The following RFTN1 variants were observed in gnomAD, a reference collection of about 807,000 sequenced individuals.
The protein encoded by RFTN1 is raftlin, lipid raft linker 1.
In RFTN1, 26 loss-of-function variants were observed where a neutral mutation model predicts 46.5. The observed-to-expected ratio is 0.56, with a 90% confidence interval of 0.41 to 0.78. RFTN1 has a LOEUF of 0.78. RFTN1 is among the 30% of genes least tolerant of loss of function. The probability of loss-of-function intolerance (pLI) is 0.00; values close to 1 mark genes in which losing one functional copy is unlikely to be tolerated. For missense variants in RFTN1, 693 were observed against 718.7 expected (o/e 0.96, Z 0.41); for synonymous variants, 261 against 284.2 (o/e 0.92, Z 0.82).
chr3:16,481,359 T>TATCTACTTTGAG lies in RFTN1; in HGVS notation c.145+12354_145+12365dup. 6.6e-6 allele frequency among the ~76,000 whole-genome samples: 1 copy of TATCTACTTTGAG among 152,344 alleles called. No homozygotes were observed. The highest frequency in any genetic ancestry group is 1.9e-4 in the East Asian group (1 of 5,186). ...TCTCTTCAAACTGTAAGAGCATATT[T>TATCTACTTTGAG]ATCTACTTTGAGACATGTTTTATGG... On this transcript the variant is annotated intron_variant, in intron 2 of 9. Transcript: ENST00000334133. This position sits in a 1 kb window ranked among gnomAD's most constrained non-coding sequence, Gnocchi z 5.1.
intron 1 of RFTN1, among the ~76,000 whole-genome samples, chr3:16,496,308 G>A (rs772086408): frequency 6.6e-6 from 1 of 152,230 alleles, no homozygotes; most frequent in African/African-American, 2.4e-5. Context: ...GCCAGTGTGT[G>A]TTGGCTCCTG....
chr3:16,477,907 T>C (rs1056489560), intron 2 of RFTN1, among the ~76,000 whole-genome samples: 1 of 152,216 alleles, frequency 6.6e-6, no homozygotes, highest in African/African-American at 2.4e-5. Context: ...AGTGATGAGC[T>C]CTGCTCAACA....
chr3:16,332,980 C>A (rs534506485), intron 7 of RFTN1, among the ~76,000 whole-genome samples: 16 of 152,116 alleles, frequency 1.1e-4, no homozygotes, highest in African/African-American at 3.1e-4. Context: ...AGCATCTGGT[C>A]GCAACAGTTT....
At chr3:16,331,923 A>G (rs1203692164) in intron 7 of RFTN1, among the ~76,000 whole-genome samples, 1 of 152,236 alleles carries the variant, frequency 6.6e-6, no homozygotes, top group African/African-American at 2.4e-5. Context: ...TTATCCGTCA[A>G]AATTTTGAAA....
chr3:16,396,966 G>A (rs2074482617), intron 4 of RFTN1, among the ~76,000 whole-genome samples: 3 of 151,182 alleles, frequency 2.0e-5, no homozygotes, highest in Non-Finnish European at 4.4e-5. Context: ...GGGAGGCTGA[G>A]GCAGGAGAAT....
chr3:16,493,692 C>T (rs753941727), intron 2 of RFTN1, 33 bp downstream of exon 2: 5 of 1,595,544 alleles, frequency 3.1e-6, no homozygotes, highest in Non-Finnish European at 4.3e-6. Context: ...GAGACCCCAC[C>T]TGCCCCCATC....
chr3:16,434,655 C>A (rs1293131659), intron 2 of RFTN1: 2 of 151,038 alleles, frequency 1.3e-5, no homozygotes, highest in Non-Finnish European at 1.5e-5. Flanking sequence ...TAAAAAAAAA[C>A]ACACAGAAAT....
intron 6 of RFTN1, among the ~76,000 whole-genome samples, chr3:16,365,449 T>C (rs2073100255): frequency 1.4e-5 from 2 of 142,548 alleles, no homozygotes; most frequent in African/African-American, 2.6e-5. Flanking sequence ...ACATATTTAA[T>C]ATATATTTTA....
rs955154831 is a variant in RFTN1, at chr3:16,327,854, C to T, written c.1147-978G>A. ...GCCCCTGCACTGGCTTCCACCTCTGCAGGCGTTCTCACTGCAACAGGCCTC... is the reference window on the plus strand; with the variant it reads ...GCCCCTGCACTGGCTTCCACCTCTGTAGGCGTTCTCACTGCAACAGGCCTC... On this transcript the variant is annotated intron_variant, in intron 7 of 9. Coordinates refer to ENST00000334133, the MANE Select transcript of RFTN1 (RefSeq NM_015150.2). The surrounding 1 kb of genome is among the most constrained non-coding windows in gnomAD (Gnocchi z 4.2). 6.6e-6 allele frequency among the ~76,000 whole-genome samples: 1 copy of T among 152,200 alleles called. No individual in the cohort carries two copies. The highest frequency in any genetic ancestry group is 1.5e-5 in the Non-Finnish European group (1 of 68,030).
rs2075729921 is a variant in RFTN1, at chr3:16,446,401, T to C, written c.146-12364A>G. Among the ~76,000 whole-genome samples, 1 of 152,040 alleles carries C rather than the reference T, an allele frequency of 6.6e-6. No homozygotes were observed. Among genetic ancestry groups the C allele is most frequent in the East Asian group, 1.9e-4 (1 of 5,194 alleles). ...TTGTCGTGCAACCATCACCACCATC[T>C]ATCTCCAGGAAATCTTCATCGGCCT... On this transcript the variant is annotated intron_variant, in intron 2 of 9. Coordinates refer to ENST00000334133, the MANE Select transcript of RFTN1 (RefSeq NM_015150.2). This position sits in a 1 kb window ranked among gnomAD's most constrained non-coding sequence, Gnocchi z 4.5.
chr3:16,373,681 G>C (rs911756184), intron 5 of RFTN1, among the ~76,000 whole-genome samples: 1 of 152,184 alleles, frequency 6.6e-6, no homozygotes, highest in African/African-American at 2.4e-5. Flanking sequence ...GTGAAAATCT[G>C]GGGCTCCAAG....
At position 16,489,790 on chromosome 3, in the gene RFTN1, C is replaced by T. The variant is rs2076510338; in HGVS notation, c.145+3935G>A. ...GTGTGTAGTGGTGCATGCTTGGAAT[C>T]CCAGATACTCAAGAGGCTGAGGCAT... On this transcript the variant is annotated intron_variant, in intron 2 of 9. Coordinates refer to ENST00000334133, the MANE Select transcript of RFTN1 (RefSeq NM_015150.2). The surrounding 1 kb of genome is among the most constrained non-coding windows in gnomAD (Gnocchi z 4.0). Among the ~76,000 whole-genome samples the T allele has an allele frequency of 6.6e-6, 1 of 152,078 alleles. No homozygotes were observed. Among genetic ancestry groups the T allele is most frequent in the Non-Finnish European group, 1.5e-5 (1 of 68,016 alleles).
Position 16,409,587 on chromosome 3 carries a change from G to A in RFTN1, c.333-104C>T, listed in dbSNP as rs561893370. The A allele has an allele frequency of 9.5e-5, 68 of 714,564 alleles. No homozygotes were observed. The South Asian group carries it at 1.0e-3, about 10-fold the overall frequency. The allele number at this position is 714,564 out of a possible 1,614,324, so 44.3% of individuals were successfully genotyped here. A position where few individuals can be genotyped will look rare whatever the true frequency, so the allele number is the denominator to read the frequency against. On this transcript the variant is annotated intron_variant, in intron 3 of 9. Transcript: ENST00000334133. ...GGCTGGAGTGCAATGACGCGATCTC[G>A]GCTCACTGCAACCCCCACCTCCCGG...
In RFTN1 at chr3:16,489,417, CA is replaced by C. The variant is rs60976608; in HGVS notation, c.145+4307del. On this transcript the variant is annotated intron_variant, in intron 2 of 9. Coordinates refer to ENST00000334133, the MANE Select transcript of RFTN1 (RefSeq NM_015150.2). This position sits in a 1 kb window ranked among gnomAD's most constrained non-coding sequence, Gnocchi z 4.0. ...TGGGCAACAGAGTGAGACTTCGCTT[CA>C]AAAAAAAATCAGTGATGGAGAGGAG... 1.1e-4 allele frequency among the ~76,000 whole-genome samples: 17 copies of C among 150,232 alleles called. No homozygotes were observed. The East Asian group carries it at 2.5e-3, about 22-fold the overall frequency.
chr3:16,365,184 C>CA (rs34057555), intron 6 of RFTN1, among the ~76,000 whole-genome samples: 32,005 of 151,970 alleles, frequency 0.21, 4,217 homozygotes, highest in Non-Finnish European at 0.3. Flanking sequence ...GGTGGTGTCC[C>CA]AAGGGAGTGG....
At chr3:16,411,079 A>C (rs139775920) in intron 3 of RFTN1, among the ~76,000 whole-genome samples, 1 of 152,176 alleles carries the variant, frequency 6.6e-6, no homozygotes, top group African/African-American at 2.4e-5. Flanking sequence ...GTACACAGCT[A>C]ATCTGCACTG....
In RFTN1 at chr3:16,468,221, T is replaced by C. The variant is rs2076134387; in HGVS notation, c.145+25504A>G. Among the ~76,000 whole-genome samples, 1 of 152,232 alleles carries C rather than the reference T, an allele frequency of 6.6e-6. No individual in the cohort carries two copies. Among genetic ancestry groups the C allele is most frequent in the South Asian group, 2.1e-4 (1 of 4,828 alleles). On this transcript the variant is annotated intron_variant, in intron 2 of 9. Transcript: ENST00000334133. This position sits in a 1 kb window ranked among gnomAD's most constrained non-coding sequence, Gnocchi z 4.4. The stretch of plus-strand genomic sequence containing the variant: ...CGTCGGCTTAATTTATGTGGCTCAT[T>C]CCTCATTCCCTTTCAGCTGACAGGC...
intron 5 of RFTN1, among the ~76,000 whole-genome samples, chr3:16,372,737 G>A (rs556982509): frequency 6.6e-6 from 1 of 152,348 alleles, no homozygotes; most frequent in East Asian, 1.9e-4. Context: ...GGGGTGTAGC[G>A]GAGGAAGACA....
chr3:16,435,648 A>G (rs184101652), intron 2 of RFTN1, among the ~76,000 whole-genome samples: 3 of 152,284 alleles, frequency 2.0e-5, no homozygotes, highest in Non-Finnish European at 4.4e-5. Flanking sequence ...GTGCTTTCTC[A>G]TTCTTTTCTA....
Sources: allele counts gnomAD v4.1 joint callset (sites outside exome capture counted in the v4.1 genomes callset), GRCh38; gene constraint gnomAD v4.1.1; non-coding constraint Gnocchi (gnomAD v3.1); transcripts MANE v1.5; gene names NCBI Gene and HGNC (gene_info 2026-07-23, HGNC 2026-07-21).